Variants in TIMP4 observed in about 807,000 individuals in gnomAD.
TIMP4 encodes the protein TIMP metallopeptidase inhibitor 4.
In TIMP4, 28 loss-of-function variants were observed where a neutral mutation model predicts 27.3. The ratio of observed to expected loss-of-function variants is 1.03; its 90% CI spans 0.76 to 1.41. The LOEUF (loss-of-function observed/expected upper bound fraction) is 1.41, where lower values mean the gene tolerates loss of function less well. Ranked by LOEUF, TIMP4 falls within the 40% of genes most tolerant of loss-of-function variation. TIMP4 has a pLI of 0.00. For missense variants in TIMP4, 307 were observed against 285.5 expected, an observed-to-expected ratio of 1.08 and a Z score of -0.54; for synonymous variants, 138 against 115.5, an observed-to-expected ratio of 1.20 and a Z score of -1.25.
At position 12,158,631 on chromosome 3, in the gene TIMP4, G is replaced by A. The variant is rs376345710; in HGVS notation, c.139+71C>T. 8.9e-5 allele frequency: 141 copies of A among 1,586,624 alleles called. No individual in the cohort carries two copies. The African/African-American group carries it at 1.7e-3, about 19-fold the overall frequency. On this transcript the variant is annotated intron_variant, in intron 1 of 4. Coordinates refer to ENST00000287814, the MANE Select transcript of TIMP4 (RefSeq NM_003256.4). ...TCCTCCCTTTTCCTCTGGACTCCTG[G>A]TGTACTGCTGGCCAGATACTAATCC... is the stretch of plus-strand genomic sequence containing the variant.
At position 12,158,878 on chromosome 3, in the gene TIMP4, G is replaced by A. The variant is rs768290509; in HGVS notation, c.-38C>T. ...CCGCGACTGAGCCTGTGAGGTCTGG[G>A]GGACTGGACGGCCCCAGCAGGGCTC... On this transcript the variant is annotated 5_prime_UTR_variant, in exon 1 of 5. Transcript: ENST00000287814. 6.5e-5 allele frequency: 97 copies of A among 1,503,066 alleles called. No individual in the cohort carries two copies. Among genetic ancestry groups the A allele is most frequent in the South Asian group, 2.3e-4 (18 of 77,492 alleles). The allele number at this position is 1,503,066 out of a possible 1,614,324, so 93.1% of individuals were successfully genotyped here. A position where few individuals can be genotyped will look rare whatever the true frequency, so the allele number is the denominator to read the frequency against.
chr3:12,157,397 G>T lies in TIMP4; in HGVS notation c.225C>A (p.Ile75=), dbSNP rs752961762. Residue 75 remains isoleucine, a synonymous_variant, in exon 2 of 5, where the codon ATC becomes ATA. Coordinates refer to ENST00000287814, the MANE Select transcript of TIMP4 (RefSeq NM_003256.4). ...ADTEKMLRYE[I]KQIKMFKGFE... is the part of the protein sequence containing the mutation. ...TGCCCCCATGTACCTTTATCTGTTT[G>T]ATTTCATACCGGAGCATTTTTTCAG... 52 of 1,614,014 alleles carry T rather than the reference G, an allele frequency of 3.2e-5. No individual in the cohort carries two copies. In the Middle Eastern group the frequency reaches 4.9e-4, roughly 15 times the overall value.
chr3:12,154,118 T>C (rs1697382807), intron 4 of TIMP4, among the ~76,000 whole-genome samples: 1 of 152,238 alleles, frequency 6.6e-6, no homozygotes, highest in Non-Finnish European at 1.5e-5. Flanking sequence ...GTTACAGTTA[T>C]CTCAGTCTGC....
chr3:12,156,976 G>T, intron 2 of TIMP4, 42 bp from the exon 3 acceptor site: 1 of 1,422,966 alleles, frequency 7.0e-7, no homozygotes, highest in Non-Finnish European at 9.9e-7. Context: ...GGGTCAGTGA[G>T]TGTACTGTAT....
At chr3:12,154,743 C>G (rs1378886200) in intron 3 of TIMP4, among the ~76,000 whole-genome samples, 1 of 152,096 alleles carries the variant, frequency 6.6e-6, no homozygotes, top group Admixed American at 6.5e-5. Flanking sequence ...GTGTGGGATC[C>G]CCCTTTCTTT....
At chr3:12,158,670 C>A (rs565254389) in intron 1 of TIMP4, 32 bp downstream of exon 1, 19 of 1,607,836 alleles carry the variant, frequency 1.2e-5, no homozygotes, top group Middle Eastern at 1.7e-4. Context: ...ACAACCACCC[C>A]CTGCTGTGGA....
intron 3 of TIMP4, 109 bp from the exon 4 acceptor site, chr3:12,154,560 G>T: frequency 8.0e-7 from 1 of 1,249,282 alleles, no homozygotes; most frequent in Non-Finnish European, 1.1e-6. Context: ...TGACTTTGGT[G>T]GCAGTGGTGG....
At chr3:12,154,594 A>T in intron 3 of TIMP4, 143 bp from the exon 4 acceptor site, 1 of 808,362 alleles carries the variant, frequency 1.2e-6, no homozygotes, top group Non-Finnish European at 1.9e-6. Context: ...GAAGGGACCA[A>T]TAAATAAAAC....
Position 12,155,579 on chromosome 3 carries a change from A to T in TIMP4, c.353-1128T>A, listed in dbSNP as rs559536069. The stretch of plus-strand genomic sequence containing the variant: ...TGGGAAAGTGAGGGGCTGGGAACTG[A>T]TATTGACAAAGCTAGAGAGGGCAGC... On this transcript the variant is annotated intron_variant, in intron 3 of 4. Coordinates refer to ENST00000287814, the MANE Select transcript of TIMP4 (RefSeq NM_003256.4). Among the ~76,000 whole-genome samples, 7 of 152,308 alleles carry T rather than the reference A, an allele frequency of 4.6e-5. 1 individual carries two copies. In the East Asian group the frequency reaches 1.2e-3, roughly 25 times the overall value.
chr3:12,154,269 T>A (rs1322973876), intron 4 of TIMP4, 58 bp downstream of exon 4: 1 of 1,609,602 alleles, frequency 6.2e-7, no homozygotes. Context: ...CATGCATGAA[T>A]GAAGGCTCAG....
At chr3:12,154,473 A>G in intron 3 of TIMP4, 22 bp from the exon 4 acceptor site, 1 of 1,613,326 alleles carries the variant, frequency 6.2e-7, no homozygotes, top group Non-Finnish European at 8.5e-7. Context: ...GATGGAGGAG[A>G]GTCAAGCATC....
chr3:12,157,641 A>G (rs895619896), intron 1 of TIMP4, among the ~76,000 whole-genome samples, 159 bp from the exon 2 acceptor site: 1 of 152,182 alleles, frequency 6.6e-6, no homozygotes, highest in African/African-American at 2.4e-5. Flanking sequence ...GGGGACCTGG[A>G]AACACCTCCC....
In TIMP4 at chr3:12,156,281, G is replaced by A. The variant is rs112890499; in HGVS notation, c.352+539C>T. ...TAGTTCACAACTACCAAATAGTTCCGTTCTCTGAACTCCAAAATAATTTAA... is the reference window on the plus strand; with the variant it reads ...TAGTTCACAACTACCAAATAGTTCCATTCTCTGAACTCCAAAATAATTTAA... On this transcript the variant is annotated intron_variant, in intron 3 of 4. Transcript: ENST00000287814. Among the ~76,000 whole-genome samples, 553 of 152,260 alleles carry A rather than the reference G, an allele frequency of 3.6e-3. 2 individuals carry two copies. Among genetic ancestry groups the A allele is most frequent in the African/African-American group, 0.013 (521 of 41,550 alleles).
chr3:12,157,622 T>C (rs1484402262), intron 1 of TIMP4, 140 bp from the exon 2 acceptor site: 3 of 726,180 alleles, frequency 4.1e-6, no homozygotes, highest in African/African-American at 3.5e-5. Context: ...CAACGTGATG[T>C]GTGAGAAGGG....
chr3:12,158,665 C>A, intron 1 of TIMP4, 37 bp downstream of exon 1: 1 of 1,606,658 alleles, frequency 6.2e-7, no homozygotes, highest in Non-Finnish European at 8.5e-7. Flanking sequence ...CCCCCACAAC[C>A]ACCCCCTGCT....
At position 12,154,433 on chromosome 3, in the gene TIMP4, C is replaced by T. The variant is rs767365933; in HGVS notation, c.371G>A (p.Gly124Glu). 5.6e-6 allele frequency: 9 copies of T among 1,613,964 alleles called. No individual in the cohort carries two copies. Among genetic ancestry groups the T allele is most frequent in the East Asian group, 2.2e-5 (1 of 44,896 alleles). Reference protein sequence around the residue: ...YLLTGQVLSDGKVFIHLCNYI... With the variant: ...YLLTGQVLSDEKVFIHLCNYI... ...GTTGCACAGATGGATGAAGACTTTT[C>T]CATCACTGAGGACCTGACCTTCAAG... Residue 124 changes from glycine (G) to glutamate (E), a missense_variant, in exon 4 of 5, where the codon GGA becomes GAA. Gly to Glu is a moderately conservative substitution (Grantham distance 98, BLOSUM62 -2). Coordinates refer to ENST00000287814, the MANE Select transcript of TIMP4 (RefSeq NM_003256.4).
Position 12,153,647 on chromosome 3 carries a change from C to G in TIMP4, c.543G>C (p.Trp181Cys). ...AACCATAGAGCTTTCGTTCCAACAGCCAGTCTGTCCAGAGGCACTCGTTAG... is the reference window on the plus strand; with the variant it reads ...AACCATAGAGCTTTCGTTCCAACAGGCAGTCTGTCCAGAGGCACTCGTTAG... Reference protein sequence around the residue: ...SAPNECLWTDWLLERKLYGYQ... With the variant: ...SAPNECLWTDCLLERKLYGYQ... Residue 181 changes from tryptophan to cysteine, a missense_variant, in exon 5 of 5, where the codon TGG becomes TGC. Transcript: ENST00000287814. 1 of 1,614,178 alleles carries G rather than the reference C, an allele frequency of 6.2e-7. No homozygotes were observed. Among genetic ancestry groups the G allele is most frequent in the Admixed American group, 1.7e-5 (1 of 60,022 alleles).
chr3:12,154,330 G>A lies in TIMP4; in HGVS notation c.474C>T (p.Cys158=). The A allele has an allele frequency of 6.2e-7, 1 of 1,614,166 alleles. No homozygotes were observed. Among genetic ancestry groups the A allele is most frequent in the South Asian group, 1.1e-5 (1 of 91,076 alleles). ...TTGGAAATGGACATTCCCTTACTTG[G>A]CAGCCACAGTTCAGATGGTAGTGAT... is the stretch of plus-strand genomic sequence containing the variant. ...LNHHYHLNCG[C]QITTCYTVPC... Residue 158 remains cysteine, a synonymous_variant, in exon 4 of 5, where the codon TGC becomes TGT. Coordinates refer to ENST00000287814, the MANE Select transcript of TIMP4 (RefSeq NM_003256.4).
intron 1 of TIMP4, among the ~76,000 whole-genome samples, chr3:12,158,308 C>T (rs762602677): frequency 3.9e-5 from 6 of 152,156 alleles, no homozygotes; most frequent in African/African-American, 4.8e-5. Context: ...GGCTTGGTGG[C>T]AACCTCAGTT....
Sources: gnomAD v4.1 joint callset for allele counts (sites outside exome capture counted in the v4.1 genomes callset) on GRCh38, gnomAD v4.1.1 for gene constraint, MANE v1.5 for transcripts, NCBI Gene and HGNC (gene_info 2026-07-23, HGNC 2026-07-21) for gene names.